Variants in PCM1 observed in about 807,000 individuals in gnomAD.
PCM1 encodes the protein pericentriolar material 1.
Under a neutral mutation model 241.9 loss-of-function variants are expected in PCM1, and 157 were observed. The observed-to-expected ratio is 0.65, with a 90% CI of 0.57 to 0.74. The LOEUF (loss-of-function observed/expected upper bound fraction) is 0.74, where lower values mean the gene tolerates loss of function less well. PCM1 is among the 30% of genes least tolerant of loss of function. PCM1 has a pLI of 0.00. For missense variants in PCM1, 3,478 were observed against 2,360.1 expected, an observed-to-expected ratio of 1.47 and a Z score of -9.81; for synonymous variants, 1,085 against 784.9, an observed-to-expected ratio of 1.38 and a Z score of -6.39.
chr8:18,009,741 A>G lies in PCM1; in HGVS notation c.5157A>G (p.Lys1719=), dbSNP rs778700393. 2 of 1,438,468 alleles carry G rather than the reference A, an allele frequency of 1.4e-6. No individual in the cohort carries two copies. The highest frequency in any genetic ancestry group is 9.2e-7 in the Non-Finnish European group (1 of 1,091,830). 89.1% of individuals were successfully genotyped at this position (1,438,468 alleles called of 1,614,324 possible). A position where few individuals can be genotyped will look rare whatever the true frequency, so the allele number is the denominator to read the frequency against. The change falls in exon 31 of 39, where the codon AAA becomes AAG. Residue 1719 remains lysine, a synonymous_variant. Coordinates refer to ENST00000325083, the MANE Select transcript of PCM1 (RefSeq NM_006197.4). ...CTGGAGTGATACAATCTTGTGCCAA[A>G]GAGGTAAATAACGTTCATTTTGATT... ...EATGVIQSCA[K]EAKRILEDHG...
At chr8:17,962,010 C>T (rs373496838) in intron 15 of PCM1, 24 bp from the exon 16 acceptor site, 72 of 1,590,590 alleles carry the variant, frequency 4.5e-5, no homozygotes, top group Non-Finnish European at 5.6e-5. Flanking sequence ...TTCCTCATAA[C>T]GTTTTTTGTG....
At chr8:18,020,066 A>T (rs1403442738) in intron 36 of PCM1, among the ~76,000 whole-genome samples, 2 of 152,180 alleles carry the variant, frequency 1.3e-5, no homozygotes, top group African/African-American at 4.8e-5. Context: ...TGCCATGGGA[A>T]GATAATTAGG....
intron 34 of PCM1, chr8:18,013,756 G>A (rs2092804966): frequency 5.9e-6 from 3 of 511,062 alleles, no homozygotes; most frequent in Non-Finnish European, 1.0e-5. Context: ...TACTGTGTGT[G>A]TGTGTTTTTA....
chr8:17,954,335 G>C (rs1282075903), intron 9 of PCM1, among the ~76,000 whole-genome samples: 1 of 151,710 alleles, frequency 6.6e-6, no homozygotes, highest in East Asian at 2.0e-4. Flanking sequence ...GCTGAGGTAG[G>C]AGAATCGCTT....
rs1034787846 is a variant in PCM1, at chr8:17,989,957, G to C, written c.4509G>C (p.Glu1503Asp). 7.8e-6 allele frequency: 12 copies of C among 1,535,556 alleles called. No homozygotes were observed. The highest frequency in any genetic ancestry group is 9.7e-6 in the Non-Finnish European group (11 of 1,139,468). ...TCCTGTCTGTATCATCAAATTTTGA[G>C]CCTTTTGCAACAGATGATCTAGGTA... ...ASVLSVSSNF[E>D]PFATDDLGNT... Residue 1503 changes from glutamate (E) to aspartate (D), a missense_variant, in exon 27 of 39, where the codon GAG (glutamate) becomes GAC (aspartate). Coordinates refer to ENST00000325083, the MANE Select transcript of PCM1 (RefSeq NM_006197.4).
At chr8:17,960,527 G>GTTTTTATTTTTTTT in intron 15 of PCM1, 83 bp downstream of exon 15, 1 of 412,936 alleles carries the variant, frequency 2.4e-6, no homozygotes, top group Non-Finnish European at 3.7e-6. Context: ...TTTTGTTTTT[G>GTTTTTATTTTTTTT]TTTTTCTTTT....
intron 17 of PCM1, among the ~76,000 whole-genome samples, chr8:17,963,794 A>G (rs2073647303): frequency 1.3e-5 from 2 of 152,194 alleles, no homozygotes; most frequent in Non-Finnish European, 1.5e-5. Context: ...ATTTAGCTAT[A>G]TAGTAGTAAC....
chr8:18,003,841 A>G (rs1445506577), intron 29 of PCM1, among the ~76,000 whole-genome samples: 2 of 152,128 alleles, frequency 1.3e-5, no homozygotes, highest in Non-Finnish European at 2.9e-5. Flanking sequence ...TTTATCTCAG[A>G]GCTTGAAACC....
chr8:17,963,656 C>T (rs535899798), intron 17 of PCM1, among the ~76,000 whole-genome samples: 7 of 152,244 alleles, frequency 4.6e-5, no homozygotes, highest in Non-Finnish European at 1.0e-4. Flanking sequence ...TGAGTATCTG[C>T]TGTTTGTAAG....
intron 1 of PCM1, among the ~76,000 whole-genome samples, chr8:17,924,492 G>C (rs1430971938): frequency 6.6e-6 from 1 of 152,094 alleles, no homozygotes; most frequent in East Asian, 1.9e-4. Context: ...TTTGCTGTTT[G>C]GTAAGATTTC....
In PCM1 at chr8:18,009,864, T is replaced by A. The variant is rs1400469945; in HGVS notation, c.5160+120T>A. 3.7e-5 allele frequency: 21 copies of A among 573,726 alleles called. No individual in the cohort carries two copies. In the East Asian group the frequency reaches 6.5e-4, roughly 18 times the overall value. 35.5% of individuals were successfully genotyped at this position (573,726 alleles called of 1,614,324 possible). On this transcript the variant is annotated intron_variant, in intron 31 of 38. Transcript: ENST00000325083. ...AAGTAGTTGTTTTTAGTAATACCAG[T>A]TAATCACATTATAAGTCATTACATA...
intron 1 of PCM1, 138 bp from the exon 2 acceptor site, chr8:17,924,575 A>C (rs1483780751): frequency 1.3e-5 from 2 of 152,240 alleles, no homozygotes; most frequent in Non-Finnish European, 2.9e-5. Context: ...CTTAAATTTA[A>C]AATATGAATA....
At chr8:17,964,977 T>G (rs999851005) in intron 18 of PCM1, among the ~76,000 whole-genome samples, 3 of 152,162 alleles carry the variant, frequency 2.0e-5, no homozygotes, top group African/African-American at 4.8e-5. Flanking sequence ...CAATTTCAAC[T>G]GCTTGGTCCC....
intron 2 of PCM1, among the ~76,000 whole-genome samples, chr8:17,935,068 A>C (rs997227742): frequency 6.6e-6 from 1 of 152,110 alleles, no homozygotes; most frequent in Admixed American, 6.5e-5. Context: ...CTCTTTCCCT[A>C]CCTTCTTATC....
chr8:18,004,935 T>C (rs2090817365), intron 29 of PCM1, among the ~76,000 whole-genome samples: 1 of 152,170 alleles, frequency 6.6e-6, no homozygotes, highest in Non-Finnish European at 1.5e-5. Context: ...TGGTGTGCTT[T>C]CCCCCTCTAG....
At chr8:17,947,581 C>G (rs1370217740) in intron 7 of PCM1, among the ~76,000 whole-genome samples, 2 of 152,186 alleles carry the variant, frequency 1.3e-5, no homozygotes. Context: ...AGCCAGATCT[C>G]TCTCCTTTTC....
At chr8:17,986,598 G>T (rs2082686106) in intron 26 of PCM1, among the ~76,000 whole-genome samples, 1 of 151,616 alleles carries the variant, frequency 6.6e-6, no homozygotes, top group African/African-American at 2.4e-5. Context: ...GGAGAAGAGT[G>T]CTAAGGAGAA....
intron 21 of PCM1, among the ~76,000 whole-genome samples, chr8:17,968,135 T>C (rs2075596070): frequency 6.6e-6 from 1 of 152,158 alleles, no homozygotes; most frequent in Admixed American, 6.5e-5. Flanking sequence ...TGAAAGGGCT[T>C]TCTAATAGAA....
At position 17,993,512 on chromosome 8, in the gene PCM1, C is replaced by T; in HGVS notation, c.4720C>T (p.Gln1574Ter). The T allele has an allele frequency of 6.3e-7, 1 of 1,580,638 alleles. No individual in the cohort carries two copies. The highest frequency in any genetic ancestry group is 8.6e-7 in the Non-Finnish European group (1 of 1,164,064). ...TCCCGTTATTGAAAATCGTAGTTCA[C>T]AACAACCTGTAAGTGAAGTTTCTAC... ...ETPVIENRSSQQPVSEVSTIP... is the reference protein window; with the variant it reads ...ETPVIENRSS The change falls in exon 29 of 39, where the codon CAA becomes TAA. Residue 1574 changes from glutamine to a stop codon, truncating the protein, a stop_gained. Coordinates refer to ENST00000325083, the MANE Select transcript of PCM1 (RefSeq NM_006197.4). LOFTEE classifies it high-confidence loss of function.
Sources: allele counts gnomAD v4.1 joint callset (sites outside exome capture counted in the v4.1 genomes callset), GRCh38; gene constraint gnomAD v4.1.1; transcripts MANE v1.5; gene names NCBI Gene and HGNC (gene_info 2026-07-23, HGNC 2026-07-21).